FAAH2: variants seen among roughly 807,000 people sequenced by gnomAD.
The protein encoded by FAAH2 is fatty-acid amide hydrolase 2.
In FAAH2, 60 loss-of-function variants were observed where a neutral mutation model predicts 36.9. That is an observed-to-expected ratio of 1.63 (90% CI 1.32 to 2.02). The LOEUF is 2.02. Among genes scored for constraint, FAAH2 ranks in the 30% most tolerant of loss-of-function variants. The pLI is 0.00. For missense variants in FAAH2, 689 were observed against 397.5 expected (o/e 1.73, Z -6.23); for synonymous variants, 214 against 143.8 (o/e 1.49, Z -3.49).
At chrX:57,448,472 G>A in intron 9 of FAAH2, 52 bp from the exon 10 acceptor site, 1 of 1,042,067 alleles carries the variant, frequency 9.6e-7, no homozygotes, top group Admixed American at 2.8e-5. Context: ...AGAACACTAG[G>A]AATTAAAATG....
intron 6 of FAAH2, among the ~76,000 whole-genome samples, chrX:57,379,071 C>T (rs978829313): frequency 8.9e-6 from 1 of 111,891 alleles, no homozygotes; most frequent in Non-Finnish European, 1.9e-5. Flanking sequence ...ATAAGGACTA[C>T]GTTCACTTTA....
intron 7 of FAAH2, among the ~76,000 whole-genome samples, chrX:57,428,979 A>G (rs1434692880): frequency 1.8e-5 from 2 of 111,670 alleles, no homozygotes; most frequent in Non-Finnish European, 3.8e-5. Context: ...TACAAACAAT[A>G]CATCCAATAA....
the FAAH2 span, among the ~76,000 whole-genome samples, chrX:57,248,094 C>G: frequency 9.0e-6 from 1 of 111,685 alleles, no homozygotes; most frequent in African/African-American, 3.3e-5. Context: ...TCACATGGAG[C>G]TAACATTCTA....
At chrX:57,453,863 G>A (rs1041080477) in intron 10 of FAAH2, among the ~76,000 whole-genome samples, 12 of 112,332 alleles carry the variant, frequency 1.1e-4, no homozygotes, top group African/African-American at 3.9e-4. Flanking sequence ...GAGATACCCA[G>A]GTTCATGGGC....
intron 1 of FAAH2, chrX:57,290,160 G>A (rs1044522175): frequency 1.2e-5 from 5 of 407,205 alleles, no homozygotes; most frequent in Non-Finnish European, 1.5e-5. Flanking sequence ...TTAGCAAATG[G>A]CAATTATGGT....
the FAAH2 span, chrX:57,137,423 C>T: frequency 8.5e-6 from 6 of 702,275 alleles, no homozygotes; most frequent in African/African-American, 2.4e-5. Flanking sequence ...CCCAGCGCTT[C>T]GCTCGCTGGC....
chrX:57,334,930 A>G (rs766182295), intron 4 of FAAH2, among the ~76,000 whole-genome samples: 1 of 111,853 alleles, frequency 8.9e-6, no homozygotes, highest in South Asian at 3.8e-4. Flanking sequence ...TGAAAATATC[A>G]GACAGATCAT....
At chrX:57,123,199 G>GTGTCCA in the FAAH2 span, among the ~76,000 whole-genome samples, 4 of 110,713 alleles carry the variant, frequency 3.6e-5, no homozygotes, top group African/African-American at 1.3e-4. Context: ...TCCCCTTCCT[G>GTGTCCA]TGTCCATGTG....
the FAAH2 span, among the ~76,000 whole-genome samples, chrX:57,244,510 C>A: frequency 2.7e-5 from 3 of 111,895 alleles, no homozygotes; most frequent in Middle Eastern, 4.6e-3. Flanking sequence ...GGTCGGGTTA[C>A]CCACAAGGGA....
chrX:57,416,871 C>T (rs1032008764), intron 7 of FAAH2, among the ~76,000 whole-genome samples: 1 of 112,069 alleles, frequency 8.9e-6, no homozygotes, highest in Admixed American at 9.5e-5. Context: ...ACCAATCAAA[C>T]GTAGGTTTGG....
the FAAH2 span, among the ~76,000 whole-genome samples, chrX:57,151,952 CTGTT>C: frequency 9.0e-6 from 1 of 111,655 alleles, no homozygotes; most frequent in Non-Finnish European, 1.9e-5. Context: ...GATGCCCTTT[CTGTT>C]TGTTAGTTTT....
chrX:57,173,573 T>C, the FAAH2 span, among the ~76,000 whole-genome samples: 2 of 112,038 alleles, frequency 1.8e-5, no homozygotes, highest in Non-Finnish European at 3.8e-5. Flanking sequence ...TATTTCTTTC[T>C]CTCACCTGGT....
chrX:57,359,159 T>C (rs961775634), intron 5 of FAAH2, among the ~76,000 whole-genome samples: 5 of 110,804 alleles, frequency 4.5e-5, no homozygotes, highest in Non-Finnish European at 9.5e-5. Context: ...TATGTATTTG[T>C]ACCCATTAAC....
chrX:57,416,358 G>T (rs773414214), intron 7 of FAAH2, among the ~76,000 whole-genome samples: 1 of 110,506 alleles, frequency 9.0e-6, no homozygotes, highest in East Asian at 2.8e-4. Flanking sequence ...TTTTTGCAGT[G>T]GCTGGTACAG....
the FAAH2 span, among the ~76,000 whole-genome samples, chrX:57,159,276 T>C: frequency 8.9e-6 from 1 of 112,082 alleles, no homozygotes; most frequent in African/African-American, 3.2e-5. Context: ...GGTAGCATGA[T>C]GCCTCCAGCT....
intron 2 of FAAH2, among the ~76,000 whole-genome samples, chrX:57,301,773 C>T (rs1441134346): frequency 9.0e-6 from 1 of 111,381 alleles, no homozygotes; most frequent in African/African-American, 3.3e-5. Context: ...TTGTCTCACC[C>T]ACCAGACTCT....
chrX:57,352,059 TATATATACAC>T, intron 5 of FAAH2, among the ~76,000 whole-genome samples: 1 of 45,149 alleles, frequency 2.2e-5, no homozygotes, highest in African/African-American at 6.9e-5. Context: ...TGTATATATA[TATATATACAC>T]ATATATATAT....
chrX:57,167,539 AC>A, the FAAH2 span, among the ~76,000 whole-genome samples: 1 of 111,573 alleles, frequency 9.0e-6, no homozygotes, highest in South Asian at 3.8e-4. Flanking sequence ...CCACTTCTTA[AC>A]TTATATTGTG....
At chrX:57,368,140 A>G (rs2054464530) in intron 5 of FAAH2, among the ~76,000 whole-genome samples, 1 of 110,607 alleles carries the variant, frequency 9.0e-6, no homozygotes, top group African/African-American at 3.3e-5. Flanking sequence ...TCCAGTGTCT[A>G]CCATACCCCA....
Sources: allele counts gnomAD v4.1 joint callset (sites outside exome capture counted in the v4.1 genomes callset), GRCh38; gene constraint gnomAD v4.1.1; transcripts MANE v1.5; gene names NCBI Gene and HGNC (gene_info 2026-07-23, HGNC 2026-07-21).